Variants in EPHA6 observed in about 807,000 individuals in gnomAD.
EPHA6 encodes the protein EPH receptor A6, also known as ephrin type-A receptor 6.
A neutral mutation model predicts 112.0 loss-of-function variants in EPHA6; 50 were observed. The observed-to-expected ratio is 0.45, with a 90% CI of 0.36 to 0.56. The LOEUF (loss-of-function observed/expected upper bound fraction) is 0.56, where lower values mean the gene tolerates loss of function less well. Ranked by LOEUF, EPHA6 falls within the 20% of genes least tolerant of loss-of-function variation. The pLI, the probability that EPHA6 is intolerant of heterozygous loss-of-function variation, is 0.00. For missense variants in EPHA6, 1,280 were observed against 1,417.4 expected (o/e 0.90, Z 1.56); for synonymous variants, 529 against 490.7 (o/e 1.08, Z -1.03).
At chr3:96,994,288 C>T in intron 3 of EPHA6, 1 of 327,794 alleles carries the variant, frequency 3.1e-6, no homozygotes, top group Non-Finnish European at 6.3e-6. Flanking sequence ...TATTTCATAA[C>T]TTTTAATTTT....
chr3:96,952,890 T>C (rs1214087227), intron 2 of EPHA6, among the ~76,000 whole-genome samples: 1 of 151,968 alleles, frequency 6.6e-6, no homozygotes, highest in Non-Finnish European at 1.5e-5. Context: ...AGGGAGAGGA[T>C]TAGGAAAAAC....
At chr3:97,150,748 G>C (rs1295568815) in intron 3 of EPHA6, among the ~76,000 whole-genome samples, 1 of 151,938 alleles carries the variant, frequency 6.6e-6, no homozygotes, top group African/African-American at 2.4e-5. Context: ...AGTTCTTGGT[G>C]CTCACCTCCC....
intron 3 of EPHA6, among the ~76,000 whole-genome samples, chr3:96,998,099 G>T (rs910184734): frequency 6.6e-6 from 1 of 151,704 alleles, no homozygotes; most frequent in African/African-American, 2.4e-5. Context: ...TCATATTCCT[G>T]TAGGGCTATA....
At chr3:96,911,847 G>T (rs908291708) in intron 2 of EPHA6, among the ~76,000 whole-genome samples, 3 of 151,850 alleles carry the variant, frequency 2.0e-5, no homozygotes, top group African/African-American at 7.3e-5. Flanking sequence ...ACCTATTTCA[G>T]TATATGTATT....
At position 97,755,649 on chromosome 3, in the gene EPHA6, A is replaced by G. The variant is rs1268893884; in HGVS notation, c.*6948A>G. 6.6e-6 allele frequency among the ~76,000 whole-genome samples: 1 copy of G among 152,112 alleles called. No homozygotes were observed. The highest frequency in any genetic ancestry group is 1.5e-5 in the Non-Finnish European group (1 of 67,968). ...AAAAAATTCCAAGGATATAAGAATCATTTTTCATATATTCCATTCAATTTG... is the reference window on the plus strand; with the variant it reads ...AAAAAATTCCAAGGATATAAGAATCGTTTTTCATATATTCCATTCAATTTG... On this transcript the variant is annotated 3_prime_UTR_variant, in exon 18 of 18. Transcript: ENST00000389672.
intron 11 of EPHA6, among the ~76,000 whole-genome samples, chr3:97,573,621 T>A (rs1232641227): frequency 6.6e-6 from 1 of 152,008 alleles, no homozygotes; most frequent in Non-Finnish European, 1.5e-5. Flanking sequence ...ACTTTAAGTT[T>A]TAGGGTACAT....
intron 2 of EPHA6, among the ~76,000 whole-genome samples, chr3:96,969,975 A>G (rs564497687): frequency 6.6e-6 from 1 of 152,196 alleles, no homozygotes; most frequent in Admixed American, 6.6e-5. Flanking sequence ...AAGAATTATC[A>G]ATTCAAAAGT....
At chr3:96,858,541 G>T (rs975828913) in intron 1 of EPHA6, among the ~76,000 whole-genome samples, 6 of 152,056 alleles carry the variant, frequency 3.9e-5, no homozygotes, top group Non-Finnish European at 1.5e-5. Flanking sequence ...CCATGAAAAA[G>T]TCCCAAGTCA....
intron 2 of EPHA6, among the ~76,000 whole-genome samples, chr3:96,901,968 C>A (rs1251765473): frequency 6.6e-6 from 1 of 152,116 alleles, no homozygotes; most frequent in Non-Finnish European, 1.5e-5. Flanking sequence ...ATTGTGCTTA[C>A]AAATAAGTCA....
At chr3:97,681,769 A>G (rs1231013776) in intron 14 of EPHA6, among the ~76,000 whole-genome samples, 1 of 152,038 alleles carries the variant, frequency 6.6e-6, no homozygotes, top group Non-Finnish European at 1.5e-5. Context: ...TGGTACCTTA[A>G]AAAGGCAGCA....
intron 16 of EPHA6, among the ~76,000 whole-genome samples, chr3:97,746,843 C>T (rs1052797011): frequency 6.6e-6 from 1 of 151,850 alleles, no homozygotes; most frequent in Non-Finnish European, 1.5e-5. Context: ...TGCAACTGAA[C>T]TCTGTGACAA....
At chr3:97,498,108 A>G (rs1457684945) in intron 10 of EPHA6, among the ~76,000 whole-genome samples, 1 of 152,124 alleles carries the variant, frequency 6.6e-6, no homozygotes, top group Admixed American at 6.6e-5. Flanking sequence ...AAGAATGAAA[A>G]TCTGGTCTAT....
intron 5 of EPHA6, among the ~76,000 whole-genome samples, chr3:97,262,351 G>C (rs2079531894): frequency 6.6e-6 from 1 of 151,798 alleles, no homozygotes; most frequent in Non-Finnish European, 1.5e-5. Flanking sequence ...TCTTGATCTT[G>C]AAATAAGTGT....
intron 9 of EPHA6, 26 bp from the exon 10 acceptor site, chr3:97,483,908 C>T: frequency 6.3e-7 from 1 of 1,578,480 alleles, no homozygotes; most frequent in Non-Finnish European, 8.6e-7. Flanking sequence ...CAAACTAAAT[C>T]AATCGTTTTG....
intron 3 of EPHA6, among the ~76,000 whole-genome samples, chr3:97,179,511 G>A (rs2076925325): frequency 6.6e-6 from 1 of 151,944 alleles, no homozygotes. Context: ...AGTCTTTTTG[G>A]GAAGGCTTTC....
intron 9 of EPHA6, among the ~76,000 whole-genome samples, chr3:97,481,848 C>T (rs950883029): frequency 6.6e-6 from 1 of 152,200 alleles, no homozygotes; most frequent in Non-Finnish European, 1.5e-5. Context: ...GATGACTTAA[C>T]GCAGGGCAAC....
intron 5 of EPHA6, among the ~76,000 whole-genome samples, chr3:97,277,934 A>G (rs2080151130): frequency 6.6e-6 from 1 of 152,212 alleles, no homozygotes; most frequent in Non-Finnish European, 1.5e-5. Flanking sequence ...TAATTATGCT[A>G]CAACAGCTAT....
intron 3 of EPHA6, among the ~76,000 whole-genome samples, chr3:97,205,006 G>T (rs1374683741): frequency 6.6e-6 from 1 of 152,042 alleles, no homozygotes; most frequent in African/African-American, 2.4e-5. Flanking sequence ...GCAATTATAG[G>T]TTTGTAACTC....
chr3:97,029,087 A>G (rs2044737759), intron 3 of EPHA6, among the ~76,000 whole-genome samples: 2 of 151,670 alleles, frequency 1.3e-5, no homozygotes. Context: ...AGTTCTTGCA[A>G]AATAACAATA....
Sources: gnomAD v4.1 joint callset for allele counts (sites outside exome capture counted in the v4.1 genomes callset) on GRCh38, gnomAD v4.1.1 for gene constraint, MANE v1.5 for transcripts, NCBI Gene and HGNC (gene_info 2026-07-23, HGNC 2026-07-21) for gene names.